Variants in STAT3 observed in about 807,000 individuals in gnomAD.
STAT3 encodes signal transducer and activator of transcription 3.
In STAT3, 7 loss-of-function variants were observed where a neutral mutation model predicts 114.3. The observed-to-expected ratio is 0.06, with a 90% CI of 0.03 to 0.11. STAT3 has a LOEUF of 0.11. Ranked by LOEUF, STAT3 falls within the 10% of genes least tolerant of loss-of-function variation. The pLI is 1.00. For missense variants in STAT3, 364 were observed against 960.9 expected, an observed-to-expected ratio of 0.38 and a Z score of 8.21; for synonymous variants, 331 against 354.5, an observed-to-expected ratio of 0.93 and a Z score of 0.74.
intron 1 of STAT3, among the ~76,000 whole-genome samples, chr17:42,360,897 A>G (rs753268456): frequency 1.3e-5 from 2 of 152,130 alleles, no homozygotes; most frequent in Non-Finnish European, 2.9e-5. Context: ...AAGACCTTGA[A>G]TATTTTGCTC....
At chr17:42,349,508 A>G (rs929945388) in intron 1 of STAT3, among the ~76,000 whole-genome samples, 1 of 152,240 alleles carries the variant, frequency 6.6e-6, no homozygotes, top group Non-Finnish European at 1.5e-5. Flanking sequence ...CTACAGGTTT[A>G]AAAGTATAAA....
In STAT3 at chr17:42,330,425, CTTT is replaced by C. The variant is rs1296286958; in HGVS notation, c.1110-652_1110-650del. Among the ~76,000 whole-genome samples, 193 of 135,434 alleles carry C rather than the reference CTTT, an allele frequency of 1.4e-3. 2 individuals carry two copies. Among genetic ancestry groups the C allele is most frequent in the Admixed American group, 0.01 (136 of 13,210 alleles). The allele number at this position is 135,434 out of a possible 152,430, so 88.8% of individuals were successfully genotyped here. ...GCCACCGCGCCCAGCCACATTTTCTCTTTTCTTTTCTTTTTTTTTTTTTTTGAG... is the reference window on the plus strand; with the variant it reads ...GCCACCGCGCCCAGCCACATTTTCTCTCTTTTCTTTTTTTTTTTTTTTGAG... On this transcript the variant is annotated intron_variant, in intron 11 of 23. Transcript: ENST00000264657.
At chr17:42,335,951 A>G (rs987373418) in intron 8 of STAT3, among the ~76,000 whole-genome samples, 2 of 152,114 alleles carry the variant, frequency 1.3e-5, no homozygotes, top group Non-Finnish European at 2.9e-5. Flanking sequence ...AAGACCAGAA[A>G]GACAGAAAGT....
rs576249744 is a variant in STAT3 at position 42,337,225 on chromosome 17, G to A, written c.797+210C>T. On this transcript the variant is annotated intron_variant, in intron 8 of 23. Coordinates refer to ENST00000264657, the MANE Select transcript of STAT3 (RefSeq NM_139276.3). The surrounding 1 kb of genome is among the most constrained non-coding windows in gnomAD (Gnocchi z 4.0). ...TCAAACTCCTGACCTCAAGTGATCCGCCCATCTTGGTCTCCCAAAGTGCTG... is the reference window on the plus strand; with the variant it reads ...TCAAACTCCTGACCTCAAGTGATCCACCCATCTTGGTCTCCCAAAGTGCTG... 6.6e-5 allele frequency among the ~76,000 whole-genome samples: 10 copies of A among 152,154 alleles called. No homozygotes were observed. The South Asian group carries it at 1.9e-3, about 28-fold the overall frequency.
chr17:42,386,272 C>A (rs1422323500), intron 1 of STAT3, among the ~76,000 whole-genome samples: 49 of 138,214 alleles, frequency 3.5e-4, no homozygotes, highest in African/African-American at 1.3e-3. Context: ...CAGAGCAAGA[C>A]TCTGACTCAA....
In STAT3 at chr17:42,323,202, A is replaced by G. The variant is rs545717525; in HGVS notation, c.1748+58T>C. On this transcript the variant is annotated intron_variant, in intron 19 of 23. Transcript: ENST00000264657. ...GCTAACAGGGCATCCATCCCCTGCC[A>G]CTGGCTTGCTGAGAGCAGGGGACTT... The G allele has an allele frequency of 5.6e-4, 896 of 1,614,078 alleles. 12 individuals are homozygous for G. The South Asian group carries it at 9.3e-3, about 17-fold the overall frequency.
chr17:42,356,405 T>C (rs2145107801), intron 1 of STAT3, among the ~76,000 whole-genome samples: 1 of 152,080 alleles, frequency 6.6e-6, no homozygotes, highest in African/African-American at 2.4e-5. Flanking sequence ...CAGTGAGCTG[T>C]GATTGCACCA....
At chr17:42,359,127 G>A (rs1008960740) in intron 1 of STAT3, among the ~76,000 whole-genome samples, 2 of 151,742 alleles carry the variant, frequency 1.3e-5, no homozygotes, top group African/African-American at 4.8e-5. Context: ...AGTAAAGAGG[G>A]GGTTTCATCG....
chr17:42,313,804 T>C lies in STAT3; in HGVS notation c.*1941A>G, dbSNP rs907394439. 2 of 232,944 alleles carry C rather than the reference T, an allele frequency of 8.6e-6. No homozygotes were observed. The highest frequency in any genetic ancestry group is 2.2e-5 in the African/African-American group (1 of 45,294). The allele number at this position is 232,944 out of a possible 1,614,324, so 14.4% of individuals were successfully genotyped here. A position where few individuals can be genotyped will look rare whatever the true frequency, so the allele number is the denominator to read the frequency against. Reference sequence around the variant, plus strand: ...CTGTTTATCAGTTAAGCTTATTATGTACTGAAGAGTGTTGCTGGAGAAGTA... The same window carrying C: ...CTGTTTATCAGTTAAGCTTATTATGCACTGAAGAGTGTTGCTGGAGAAGTA... On this transcript the variant is annotated 3_prime_UTR_variant, in exon 24 of 24. Transcript: ENST00000264657.
intron 14 of STAT3, among the ~76,000 whole-genome samples, chr17:42,327,730 A>G (rs1022790604): frequency 2.6e-5 from 4 of 152,176 alleles, no homozygotes; most frequent in Non-Finnish European, 5.9e-5. Flanking sequence ...TATTTTAAGT[A>G]AGAGTTGTCA....
rs1370284755 is a variant in STAT3, at chr17:42,322,385, C to G, written c.1998G>C (p.Leu666=). The G allele has an allele frequency of 6.2e-7, 1 of 1,614,188 alleles. No homozygotes were observed. The highest frequency in any genetic ancestry group is 8.5e-7 in the Non-Finnish European group (1 of 1,180,034). Residue 666 remains leucine, a synonymous_variant, in exon 21 of 24, where the codon CTG becomes CTC. Coordinates refer to ENST00000264657, the MANE Select transcript of STAT3 (RefSeq NM_139276.3). ...GATAGAGATAGACCAGTGGAGACAC[C>G]AGGATATTGGTAGCATCCATGATCT... is the stretch of plus-strand genomic sequence containing the variant. The part of the protein sequence containing the change: ...GYKIMDATNI[L]VSPLVYLYPD...
rs1041050162 is a variant in STAT3, at chr17:42,333,002, C to CA, written c.1049+670dup. 1.1e-4 allele frequency among the ~76,000 whole-genome samples: 17 copies of CA among 152,106 alleles called. No homozygotes were observed. The highest frequency in any genetic ancestry group is 3.9e-4 in the Admixed American group (6 of 15,282). The stretch of plus-strand genomic sequence containing the variant: ...GGTGAGAGTGAGACCCTGTCTCAAA[C>CA]AAAAACAAAAGATGAGTATCACTCC... On this transcript the variant is annotated intron_variant, in intron 10 of 23. Transcript: ENST00000264657. This position sits in a 1 kb window ranked among gnomAD's most constrained non-coding sequence, Gnocchi z 5.2.
At chr17:42,349,571 A>G (rs752885414) in intron 1 of STAT3, among the ~76,000 whole-genome samples, 1 of 152,224 alleles carries the variant, frequency 6.6e-6, no homozygotes, top group Non-Finnish European at 1.5e-5. Flanking sequence ...AATAATAACT[A>G]TTTTAAAAAT....
chr17:42,362,446 G>A (rs1210988564), intron 1 of STAT3, among the ~76,000 whole-genome samples: 1 of 152,092 alleles, frequency 6.6e-6, no homozygotes, highest in East Asian at 1.9e-4. Context: ...CCACACTGTG[G>A]GTAGAGAGAC....
chr17:42,354,270 A>G (rs1486590249), intron 1 of STAT3, among the ~76,000 whole-genome samples: 3 of 148,948 alleles, frequency 2.0e-5, no homozygotes, highest in African/African-American at 5.0e-5. Flanking sequence ...CCCAGGTTCA[A>G]GCGATTCTCC....
At chr17:42,350,113 G>T (rs969211347) in intron 1 of STAT3, among the ~76,000 whole-genome samples, 1 of 152,106 alleles carries the variant, frequency 6.6e-6, no homozygotes, top group South Asian at 2.1e-4. Context: ...AAAGATGAAG[G>T]TATGTACAGA....
intron 21 of STAT3, 85 bp downstream of exon 21, chr17:42,322,197 G>A (rs938719264): frequency 3.0e-5 from 38 of 1,260,280 alleles, no homozygotes; most frequent in Non-Finnish European, 3.2e-5. Context: ...GGTTATTCAG[G>A]CATTTGCCTA....
chr17:42,341,598 C>G (rs914212077), intron 4 of STAT3, among the ~76,000 whole-genome samples: 2 of 152,212 alleles, frequency 1.3e-5, no homozygotes, highest in Non-Finnish European at 2.9e-5. Flanking sequence ...TACATCCACT[C>G]TTCTATCTTT....
chr17:42,314,868 T>G lies in STAT3; in HGVS notation c.*877A>C, dbSNP rs897222822. 1 of 183,874 alleles carries G rather than the reference T, an allele frequency of 5.4e-6. No individual in the cohort carries two copies. Among genetic ancestry groups the G allele is most frequent in the Non-Finnish European group, 1.1e-5 (1 of 87,206 alleles). 11.4% of individuals were successfully genotyped at this position (183,874 alleles called of 1,614,324 possible). On this transcript the variant is annotated 3_prime_UTR_variant, in exon 24 of 24. Coordinates refer to ENST00000264657, the MANE Select transcript of STAT3 (RefSeq NM_139276.3). ...TGAAGTTTCTTTTTTTTTTTTTTTTTTTTGAGACAGAGTCTCAGACTGTCG... is the reference window on the plus strand; with the variant it reads ...TGAAGTTTCTTTTTTTTTTTTTTTTGTTTGAGACAGAGTCTCAGACTGTCG...
Sources: gnomAD v4.1 joint callset for allele counts (sites outside exome capture counted in the v4.1 genomes callset) on GRCh38, gnomAD v4.1.1 for gene constraint, Gnocchi (gnomAD v3.1) non-coding constraint, MANE v1.5 for transcripts, NCBI Gene and HGNC (gene_info 2026-07-23, HGNC 2026-07-21) for gene names.